The following RALGPS2 variants were observed in gnomAD, a reference collection of about 807,000 sequenced individuals.
The protein encoded by RALGPS2 is Ral GEF with PH domain and SH3 binding motif 2, also known as ras-specific guanine nucleotide-releasing factor RalGPS2.
RALGPS2 carries 43 observed loss-of-function variants against 86.8 expected under a neutral mutation model. The observed-to-expected ratio is 0.50, with a 90% CI of 0.39 to 0.64. The LOEUF is 0.64. Ranked by LOEUF, RALGPS2 falls within the 30% of genes least tolerant of loss-of-function variation. The pLI is 0.00. For synonymous variants in RALGPS2, 243 were observed against 231.3 expected (o/e 1.05, Z -0.46); for missense variants, 536 against 694.6 (o/e 0.77, Z 2.57).
chr1:178,902,184 C>G lies in RALGPS2; in HGVS notation c.1603C>G (p.Leu535Val), dbSNP rs758545019. The G allele has an allele frequency of 1.9e-6, 3 of 1,612,696 alleles. No homozygotes were observed. Among genetic ancestry groups the G allele is most frequent in the Admixed American group, 1.7e-5 (1 of 59,924 alleles). Residue 535 changes from leucine (L) to valine (V), a missense_variant, in exon 18 of 20, where the codon CTC becomes GTC. Around this residue, in one of 3 missense-constraint regions of RALGPS2, gnomAD observed 309 missense variants for 363.0 expected, o/e 0.85. Transcript: ENST00000367635. ...GGCTGATGACCCTGAACATCCTGAT[C>G]TCTTCCTGCTGACTGACTCTGAGAA... is the stretch of plus-strand genomic sequence containing the variant. ...MMADDPEHPDLFLLTDSEKGN... is the reference protein window; with the variant it reads ...MMADDPEHPDVFLLTDSEKGN...
intron 6 of RALGPS2, among the ~76,000 whole-genome samples, chr1:178,816,942 A>G (rs1655258433): frequency 6.6e-6 from 1 of 151,884 alleles, no homozygotes; most frequent in Non-Finnish European, 1.5e-5. Flanking sequence ...CTCCTGACTC[A>G]GGTGATCCAC....
At position 178,764,128 on chromosome 1, in the gene RALGPS2, TTTA is replaced by T. The variant is rs551302575; in HGVS notation, c.-83-12552_-83-12550del. 2.1e-3 allele frequency among the ~76,000 whole-genome samples: 308 copies of T among 145,244 alleles called. 2 individuals are homozygous for T. The highest frequency in any genetic ancestry group is 7.9e-3 in the African/African-American group (298 of 37,946). On this transcript the variant is annotated intron_variant, in intron 1 of 19. Coordinates refer to ENST00000367635, the MANE Select transcript of RALGPS2 (RefSeq NM_152663.5). ...TCTTCATAGGTCTCTAAGAACTTGC[TTTA>T]TGGATCTGGCTGCTCCTGTTTTGGG...
chr1:178,781,123 A>G (rs1471117829), intron 2 of RALGPS2, among the ~76,000 whole-genome samples: 1 of 152,120 alleles, frequency 6.6e-6, no homozygotes, highest in Admixed American at 6.5e-5. Flanking sequence ...AGATCATTTC[A>G]CTTGTACAAA....
At chr1:178,830,589 A>G (rs1293379024) in intron 7 of RALGPS2, among the ~76,000 whole-genome samples, 1 of 152,218 alleles carries the variant, frequency 6.6e-6, no homozygotes, top group African/African-American at 2.4e-5. Flanking sequence ...GAGATGACTC[A>G]AGGGCTTAAA....
In RALGPS2 at chr1:178,916,593, C is replaced by A; in HGVS notation, c.*234C>A. ...ATGAACCATGCTTCTTATCTCAGAA[C>A]TGACCTGTGGAAACCACTGCCTTAA... is the stretch of plus-strand genomic sequence containing the variant. On this transcript the variant is annotated 3_prime_UTR_variant, in exon 20 of 20. Coordinates refer to ENST00000367635, the MANE Select transcript of RALGPS2 (RefSeq NM_152663.5). 2.1e-6 allele frequency: 1 copy of A among 474,248 alleles called. No homozygotes were observed. The highest frequency in any genetic ancestry group is 3.7e-6 in the Non-Finnish European group (1 of 272,596). 29.4% of individuals were successfully genotyped at this position (474,248 alleles called of 1,614,324 possible). A position where few individuals can be genotyped will look rare whatever the true frequency, so the allele number is the denominator to read the frequency against.
intron 12 of RALGPS2, chr1:178,885,731 AT>A: frequency 3.1e-6 from 1 of 320,428 alleles, no homozygotes; most frequent in Non-Finnish European, 5.5e-6. Flanking sequence ...TGTGGAAACA[AT>A]TTTTTAAACG....
At chr1:178,861,615 G>GAATA (rs1168629014) in intron 8 of RALGPS2, among the ~76,000 whole-genome samples, 1 of 152,100 alleles carries the variant, frequency 6.6e-6, no homozygotes, top group African/African-American at 2.4e-5. Context: ...GGATCACATA[G>GAATA]AATACTCCAT....
At chr1:178,879,028 T>G (rs751495761) in intron 10 of RALGPS2, 36 bp downstream of exon 10, 4 of 1,603,980 alleles carry the variant, frequency 2.5e-6, no homozygotes, top group Non-Finnish European at 3.4e-6. Context: ...TGTATAACTT[T>G]GTCCTGTCCT....
chr1:178,787,152 G>GA (rs879494543), intron 4 of RALGPS2, among the ~76,000 whole-genome samples: 42 of 148,364 alleles, frequency 2.8e-4, no homozygotes, highest in Non-Finnish European at 3.7e-4. Context: ...TCTCCTCCCT[G>GA]AAAAAAAAAA....
In RALGPS2 at chr1:178,918,744, T is replaced by A. The variant is rs1366597324; in HGVS notation, c.*2385T>A. On this transcript the variant is annotated 3_prime_UTR_variant, in exon 20 of 20. Coordinates refer to ENST00000367635, the MANE Select transcript of RALGPS2 (RefSeq NM_152663.5). ...GATTATTTTAGCATTTGAAGCAAAT[T>A]GAAAACAGAAAAGTGACTTAAAATA... 6.6e-6 allele frequency: 1 copy of A among 152,098 alleles called. No individual in the cohort carries two copies. Among genetic ancestry groups the A allele is most frequent in the African/African-American group, 2.4e-5 (1 of 41,454 alleles). 9.4% of individuals were successfully genotyped at this position (152,098 alleles called of 1,614,324 possible). A position where few individuals can be genotyped will look rare whatever the true frequency, so the allele number is the denominator to read the frequency against.
intron 1 of RALGPS2, chr1:178,747,134 T>G: frequency 1.0e-6 from 1 of 982,102 alleles, no homozygotes; most frequent in Non-Finnish European, 1.6e-6. Flanking sequence ...ATCATCTCCT[T>G]TTTCCATCAA....
At chr1:178,897,151 GAA>G (rs1254635176) in intron 16 of RALGPS2, among the ~76,000 whole-genome samples, 31 of 151,998 alleles carry the variant, frequency 2.0e-4, no homozygotes, top group Middle Eastern at 6.8e-3. Context: ...CTTCTCAAAA[GAA>G]GACATTTATG....
intron 16 of RALGPS2, among the ~76,000 whole-genome samples, chr1:178,896,467 C>CTTT (rs754576893): frequency 3.7e-5 from 5 of 136,880 alleles, no homozygotes; most frequent in African/African-American, 1.3e-4. Context: ...TTTTTTTTTT[C>CTTT]TTTTTTTTTT....
intron 8 of RALGPS2, among the ~76,000 whole-genome samples, chr1:178,838,761 C>G (rs1228858531): frequency 3.9e-5 from 6 of 152,182 alleles, no homozygotes; most frequent in Admixed American, 6.5e-5. Context: ...AGCTAAAAAC[C>G]TTGAGAAAAG....
At chr1:178,903,975 A>G (rs1289978002) in intron 18 of RALGPS2, among the ~76,000 whole-genome samples, 1 of 152,202 alleles carries the variant, frequency 6.6e-6, no homozygotes, top group Non-Finnish European at 1.5e-5. Flanking sequence ...CCAGCAGTGT[A>G]GAAGTGTTGC....
At chr1:178,772,582 G>C (rs1652861347) in intron 1 of RALGPS2, among the ~76,000 whole-genome samples, 1 of 152,026 alleles carries the variant, frequency 6.6e-6, no homozygotes, top group African/African-American at 2.4e-5. Context: ...TTAATCATTT[G>C]AAAGTCTCTC....
chr1:178,820,343 A>G (rs1655438404), intron 6 of RALGPS2, among the ~76,000 whole-genome samples: 1 of 152,230 alleles, frequency 6.6e-6, no homozygotes, highest in Non-Finnish European at 1.5e-5. Flanking sequence ...CTTACTGCTT[A>G]TGAGAGCAAA....
intron 8 of RALGPS2, among the ~76,000 whole-genome samples, chr1:178,835,790 C>T (rs1656245552): frequency 6.6e-6 from 1 of 152,154 alleles, no homozygotes; most frequent in Non-Finnish European, 1.5e-5. Flanking sequence ...TAGTTACTGA[C>T]AGGTCTGCAT....
At chr1:178,858,719 A>G (rs1402627103) in intron 8 of RALGPS2, among the ~76,000 whole-genome samples, 1 of 152,152 alleles carries the variant, frequency 6.6e-6, no homozygotes, top group Non-Finnish European at 1.5e-5. Flanking sequence ...ATGCCACATT[A>G]TTTCCCAAGG....
Sources: gnomAD v4.1 joint callset for allele counts (sites outside exome capture counted in the v4.1 genomes callset) on GRCh38, gnomAD v4.1.1 for gene constraint, gnomAD v4.1.1 regional missense constraint, MANE v1.5 for transcripts, NCBI Gene and HGNC (gene_info 2026-07-23, HGNC 2026-07-21) for gene names.